The following TBC1D2B variants were observed in gnomAD, a reference collection of about 807,000 sequenced individuals.
The protein encoded by TBC1D2B is TBC1 domain family, member 2B.
Under a neutral mutation model 100.8 loss-of-function variants are expected in TBC1D2B, and 64 were observed. That is an observed-to-expected ratio of 0.64 (90% CI 0.52 to 0.78). TBC1D2B has a LOEUF of 0.78. Ranked by LOEUF, TBC1D2B falls within the 30% of genes least tolerant of loss-of-function variation. TBC1D2B has a pLI of 0.00. For synonymous variants in TBC1D2B, 480 were observed against 479.7 expected, an observed-to-expected ratio of 1.00 and a Z score of -0.01; for missense variants, 1,052 against 1,218.4, an observed-to-expected ratio of 0.86 and a Z score of 2.03.
At chr15:78,074,513 A>T in intron 1 of TBC1D2B, among the ~76,000 whole-genome samples, 1 of 152,202 alleles carries the variant, frequency 6.6e-6, no homozygotes, top group East Asian at 1.9e-4. Flanking sequence ...CTACAAAAAG[A>T]TGGATAGCAT....
chr15:78,014,666 C>T lies in TBC1D2B; in HGVS notation c.1776-1349G>A, dbSNP rs1038198750. Reference sequence around the variant, plus strand: ...TTGGGAGGCTGATGTAGGAGAACTGCTTGAGCCCACCAGGAGGTCGAGGCC... The same window carrying T: ...TTGGGAGGCTGATGTAGGAGAACTGTTTGAGCCCACCAGGAGGTCGAGGCC... On this transcript the variant is annotated intron_variant, in intron 8 of 12. Coordinates refer to ENST00000300584, the MANE Select transcript of TBC1D2B (RefSeq NM_144572.2). Among the ~76,000 whole-genome samples, 4 of 152,316 alleles carry T rather than the reference C, an allele frequency of 2.6e-5. No homozygotes were observed. The East Asian group carries it at 7.7e-4, about 29-fold the overall frequency.
At chr15:78,040,884 G>GAAAGAAAGATAGAAAGAAAGAA (rs1307551330) in intron 3 of TBC1D2B, among the ~76,000 whole-genome samples, 1 of 90,372 alleles carries the variant, frequency 1.1e-5, no homozygotes, top group African/African-American at 3.8e-5. Flanking sequence ...GAAAGAAAGA[G>GAAAGAAAGATAGAAAGAAAGAA]AGAGAGAGAG....
chr15:78,039,497 G>A (rs559632017), intron 3 of TBC1D2B, among the ~76,000 whole-genome samples: 1 of 152,246 alleles, frequency 6.6e-6, no homozygotes, highest in African/African-American at 2.4e-5. Context: ...GGCCTGGAAG[G>A]ATGAGCACAC....
At position 77,995,357 on chromosome 15, in the gene TBC1D2B, CTGTCAGCAGT is replaced by C. The variant is rs2071721334; in HGVS notation, c.*2793_*2802del. 6.6e-6 allele frequency: 1 copy of C among 152,374 alleles called. No homozygotes were observed. The highest frequency in any genetic ancestry group is 2.4e-5 in the African/African-American group (1 of 41,466). The allele number at this position is 152,374 out of a possible 1,614,324, so 9.4% of individuals were successfully genotyped here. ...TAGTTGAAACCAGAACCGTCTCCAG[CTGTCAGCAGT>C]CTTGGCGGCTACTGTACAGCTGTCA... On this transcript the variant is annotated 3_prime_UTR_variant, in exon 13 of 13. Transcript: ENST00000300584.
At chr15:78,012,546 C>T (rs758745572) in intron 9 of TBC1D2B, among the ~76,000 whole-genome samples, 3 of 152,166 alleles carry the variant, frequency 2.0e-5, no homozygotes, top group Non-Finnish European at 4.4e-5. Flanking sequence ...GATCAAAACC[C>T]GAGTGCGATG....
chr15:78,050,685 A>G (rs2073295561), intron 2 of TBC1D2B, among the ~76,000 whole-genome samples: 1 of 152,238 alleles, frequency 6.6e-6, no homozygotes, highest in African/African-American at 2.4e-5. Context: ...TATTTGAGGC[A>G]TGGCATGCCT....
chr15:78,067,278 T>C (rs1177072491), intron 1 of TBC1D2B, among the ~76,000 whole-genome samples: 2 of 152,058 alleles, frequency 1.3e-5, no homozygotes, highest in African/African-American at 4.8e-5. Context: ...TGAGCAAAAA[T>C]AATGAATGCC....
intron 2 of TBC1D2B, among the ~76,000 whole-genome samples, chr15:78,048,850 G>C (rs1018385397): frequency 1.3e-5 from 2 of 152,172 alleles, no homozygotes; most frequent in Non-Finnish European, 2.9e-5. Context: ...TAGGTGCTCC[G>C]CCAGCAACCT....
chr15:78,070,844 CAG>C (rs1197600558), intron 1 of TBC1D2B, among the ~76,000 whole-genome samples: 6 of 151,930 alleles, frequency 3.9e-5, no homozygotes, highest in Non-Finnish European at 5.9e-5. Flanking sequence ...TGTTTTGAGA[CAG>C]AGTTTCGCTC....
intron 1 of TBC1D2B, among the ~76,000 whole-genome samples, chr15:78,056,972 C>T (rs529056607): frequency 1.3e-5 from 2 of 152,238 alleles, no homozygotes; most frequent in South Asian, 4.2e-4. Context: ...TCCTCTTGTT[C>T]AGCCTGCATA....
chr15:78,045,173 TG>T, intron 2 of TBC1D2B, 105 bp from the exon 3 acceptor site: 1 of 1,002,088 alleles, frequency 1.0e-6, no homozygotes, highest in Non-Finnish European at 1.4e-6. Flanking sequence ...ATCTAAACTA[TG>T]TAATAGTATA....
At chr15:78,039,680 T>C (rs2044099) in intron 3 of TBC1D2B, among the ~76,000 whole-genome samples, 35,925 of 151,686 alleles carry the variant, frequency 0.24, 4,360 homozygotes, top group East Asian at 0.36. Flanking sequence ...GCACTTACAA[T>C]GACACTGTGC....
intron 1 of TBC1D2B, among the ~76,000 whole-genome samples, chr15:78,055,696 T>C (rs1057301990): frequency 1.3e-5 from 2 of 152,210 alleles, no homozygotes; most frequent in Admixed American, 1.3e-4. Context: ...TCTTTGGGTA[T>C]TTTCATTACA....
At chr15:78,047,986 T>C (rs761379558) in intron 2 of TBC1D2B, among the ~76,000 whole-genome samples, 2 of 152,178 alleles carry the variant, frequency 1.3e-5, no homozygotes, top group Non-Finnish European at 2.9e-5. Context: ...ACAGGCTGAG[T>C]CCAGCCTCTT....
intron 1 of TBC1D2B, among the ~76,000 whole-genome samples, chr15:78,063,836 TCA>T (rs1203278498): frequency 6.6e-6 from 1 of 152,174 alleles, no homozygotes; most frequent in East Asian, 1.9e-4. Flanking sequence ...CCTGACAGTC[TCA>T]GAGTCATCTA....
intron 1 of TBC1D2B, among the ~76,000 whole-genome samples, chr15:78,070,544 A>G (rs1177350428): frequency 6.6e-6 from 1 of 152,248 alleles, no homozygotes; most frequent in Non-Finnish European, 1.5e-5. Context: ...ATGAGTGGGA[A>G]GCTCCTGAGG....
intron 8 of TBC1D2B, among the ~76,000 whole-genome samples, 165 bp from the exon 9 acceptor site, chr15:78,013,482 A>G (rs2072289355): frequency 6.6e-6 from 1 of 152,210 alleles, no homozygotes; most frequent in African/African-American, 2.4e-5. Context: ...TCAGTATATA[A>G]AGCTAGGAGG....
chr15:78,057,291 G>C (rs1017714839), intron 1 of TBC1D2B, among the ~76,000 whole-genome samples: 2 of 151,914 alleles, frequency 1.3e-5, no homozygotes, highest in African/African-American at 2.4e-5. Context: ...GGCAAAATCT[G>C]GTTAACAAGT....
intron 1 of TBC1D2B, among the ~76,000 whole-genome samples, chr15:78,075,642 G>A (rs2073817073): frequency 6.6e-6 from 1 of 152,178 alleles, no homozygotes; most frequent in African/African-American, 2.4e-5. Context: ...CTTTGGCAAA[G>A]GTCTCCCACT....
Sources: gnomAD v4.1 joint callset for allele counts (sites outside exome capture counted in the v4.1 genomes callset) on GRCh38, gnomAD v4.1.1 for gene constraint, MANE v1.5 for transcripts, NCBI Gene and HGNC (gene_info 2026-07-23, HGNC 2026-07-21) for gene names.